PRKCE: variants seen among roughly 807,000 people sequenced by gnomAD.
PRKCE encodes protein kinase C epsilon type.
A neutral mutation model predicts 85.4 loss-of-function variants in PRKCE; 16 were observed. That is an observed-to-expected ratio of 0.19 (90% CI 0.13 to 0.28). The LOEUF is 0.28. PRKCE is among the 10% of genes least tolerant of loss of function. PRKCE has a pLI of 1.00. For synonymous variants in PRKCE, 388 were observed against 371.5 expected (o/e 1.04, Z -0.51); for missense variants, 573 against 975.2 (o/e 0.59, Z 5.49).
chr2:45,738,581 T>A (rs960316257), intron 1 of PRKCE, among the ~76,000 whole-genome samples: 1 of 152,254 alleles, frequency 6.6e-6, no homozygotes, highest in Non-Finnish European at 1.5e-5. Flanking sequence ...TGTCATTCTT[T>A]ATATAACCAC....
At chr2:45,740,771 C>G (rs981165915) in intron 1 of PRKCE, among the ~76,000 whole-genome samples, 1 of 152,240 alleles carries the variant, frequency 6.6e-6, no homozygotes, top group African/African-American at 2.4e-5. Context: ...TTCAGTCTCT[C>G]CCTGCCTCAT....
intron 11 of PRKCE, among the ~76,000 whole-genome samples, chr2:46,089,664 G>C (rs1458509191): frequency 6.6e-6 from 1 of 152,008 alleles, no homozygotes; most frequent in South Asian, 2.1e-4. Flanking sequence ...ACAGGCCGCG[G>C]GTTGGGGAAG....
chr2:45,680,700 T>C (rs1676818638), intron 1 of PRKCE, among the ~76,000 whole-genome samples: 1 of 152,248 alleles, frequency 6.6e-6, no homozygotes, highest in African/African-American at 2.4e-5. Flanking sequence ...GAAAAGCCTT[T>C]TTAACAAATG....
chr2:45,800,488 G>A (rs56244662), intron 1 of PRKCE, among the ~76,000 whole-genome samples: 7,482 of 152,314 alleles, frequency 0.049, 622 homozygotes, highest in African/African-American at 0.17. Flanking sequence ...GGCAGTTTTA[G>A]TCAGCAGTTG....
intron 1 of PRKCE, among the ~76,000 whole-genome samples, chr2:45,824,938 A>G (rs1689823510): frequency 6.6e-6 from 1 of 152,202 alleles, no homozygotes; most frequent in Admixed American, 6.5e-5. Context: ...AGCTGCAGTC[A>G]GGGCAGGAGA....
intron 2 of PRKCE, among the ~76,000 whole-genome samples, chr2:45,916,812 C>T (rs915359241): frequency 1.3e-5 from 2 of 152,198 alleles, no homozygotes; most frequent in African/African-American, 4.8e-5. Context: ...CGTGGACCCT[C>T]ACGCTGAGTG....
chr2:45,737,773 A>C, intron 1 of PRKCE, among the ~76,000 whole-genome samples: 1 of 151,378 alleles, frequency 6.6e-6, no homozygotes, highest in African/African-American at 2.4e-5. Context: ...GCCCTCCCTC[A>C]CCTCCACCTG....
intron 1 of PRKCE, among the ~76,000 whole-genome samples, chr2:45,716,883 G>A (rs1386649600): frequency 6.6e-6 from 1 of 152,176 alleles, no homozygotes; most frequent in Non-Finnish European, 1.5e-5. Flanking sequence ...GCAGCAGAAA[G>A]GAGAAGAATG....
At chr2:45,958,791 C>CATACATATATATATATATATATAT (rs1701154907) in intron 2 of PRKCE, among the ~76,000 whole-genome samples, 1 of 22,550 alleles carries the variant, frequency 4.4e-5, no homozygotes, top group Non-Finnish European at 7.6e-5. Context: ...GCCTTTAAAA[C>CATACATATATATATATATATATAT]ATATATATAT....
Position 45,652,459 on chromosome 2 carries a change from C to G in PRKCE, c.348+11C>G. The G allele has an allele frequency of 6.3e-7, 1 of 1,596,986 alleles. No individual in the cohort carries two copies. Among genetic ancestry groups the G allele is most frequent in the East Asian group, 2.2e-5 (1 of 44,654 alleles). On this transcript the variant is annotated intron_variant, in intron 1 of 14. Transcript: ENST00000306156. The surrounding 1 kb of genome is among the most constrained non-coding windows in gnomAD (Gnocchi z 7.7). The stretch of plus-strand genomic sequence containing the variant: ...CACTTCGAGGACTGGGTGAGTGCGG[C>G]GCCTCCCCGTCATTCCGGGAACCCG...
chr2:46,116,964 T>A (rs979177418), intron 11 of PRKCE, among the ~76,000 whole-genome samples: 1 of 152,158 alleles, frequency 6.6e-6, no homozygotes, highest in Non-Finnish European at 1.5e-5. Context: ...AAGCCAGCAG[T>A]CAAGAAAATT....
chr2:46,052,298 G>A (rs112923950), intron 10 of PRKCE, among the ~76,000 whole-genome samples: 24 of 152,250 alleles, frequency 1.6e-4, no homozygotes, highest in African/African-American at 5.8e-4. Flanking sequence ...AGTAGAGCAA[G>A]GCCACAGGAG....
At chr2:45,918,405 T>C (rs1232015214) in intron 2 of PRKCE, among the ~76,000 whole-genome samples, 1 of 152,218 alleles carries the variant, frequency 6.6e-6, no homozygotes, top group Non-Finnish European at 1.5e-5. Context: ...TATTTTTAGT[T>C]AAACTCTGGT....
intron 11 of PRKCE, among the ~76,000 whole-genome samples, chr2:46,113,509 C>T (rs1672464436): frequency 6.6e-6 from 1 of 152,196 alleles, no homozygotes; most frequent in South Asian, 2.1e-4. Context: ...CAAGGTGCTC[C>T]CTGTGGCTCA....
At chr2:46,181,101 T>A (rs1355009241) in intron 14 of PRKCE, among the ~76,000 whole-genome samples, 1 of 152,188 alleles carries the variant, frequency 6.6e-6, no homozygotes, top group African/African-American at 2.4e-5. Flanking sequence ...TCAGAATCTT[T>A]AAGTCGAGTC....
chr2:45,832,397 C>G (rs1358620285), intron 1 of PRKCE, among the ~76,000 whole-genome samples: 1 of 151,726 alleles, frequency 6.6e-6, no homozygotes, highest in Non-Finnish European at 1.5e-5. Flanking sequence ...ACTGCAACCT[C>G]CGGCTCTTGG....
At chr2:45,958,031 G>A (rs1701090731) in intron 2 of PRKCE, among the ~76,000 whole-genome samples, 1 of 150,972 alleles carries the variant, frequency 6.6e-6, no homozygotes. Context: ...TAGAAGTGAA[G>A]TCCAGCAGTG....
intron 1 of PRKCE, among the ~76,000 whole-genome samples, chr2:45,692,853 C>T (rs980309686): frequency 6.6e-6 from 1 of 152,050 alleles, no homozygotes; most frequent in Non-Finnish European, 1.5e-5. Flanking sequence ...CATGTGGGCT[C>T]GAGGGATGAG....
At chr2:46,007,697 T>C (rs1302507098) in intron 9 of PRKCE, 36 bp downstream of exon 9, 1 of 1,582,282 alleles carries the variant, frequency 6.3e-7, no homozygotes, top group South Asian at 1.1e-5. Flanking sequence ...GCTGGTTTTG[T>C]TCTACTCCTT....
Sources: gnomAD v4.1 joint callset for allele counts (sites outside exome capture counted in the v4.1 genomes callset) on GRCh38, gnomAD v4.1.1 for gene constraint, Gnocchi (gnomAD v3.1) non-coding constraint, MANE v1.5 for transcripts, NCBI Gene and HGNC (gene_info 2026-07-23, HGNC 2026-07-21) for gene names.